Variants in CEP112 observed in about 807,000 individuals in gnomAD.
CEP112 encodes centrosomal protein of 112 kDa.
CEP112 carries 127 observed loss-of-function variants against 153.0 expected under a neutral mutation model. The ratio of observed to expected loss-of-function variants is 0.83; its 90% confidence interval spans 0.72 to 0.96. The LOEUF (loss-of-function observed/expected upper bound fraction) is 0.96, where lower values mean the gene tolerates loss of function less well. CEP112 is among the 40% of genes least tolerant of loss of function. The pLI is 0.00. For missense variants in CEP112, 1,089 were observed against 1,101.2 expected, an observed-to-expected ratio of 0.99 and a Z score of 0.16; for synonymous variants, 358 against 374.4, an observed-to-expected ratio of 0.96 and a Z score of 0.51.
chr17:65,859,679 T>C (rs2058240040), intron 20 of CEP112, among the ~76,000 whole-genome samples: 1 of 150,850 alleles, frequency 6.6e-6, no homozygotes, highest in Non-Finnish European at 1.5e-5. Flanking sequence ...TCTACTATCA[T>C]CACTTGTATT....
chr17:65,882,516 C>A lies in CEP112; in HGVS notation c.2163+19636G>T, dbSNP rs999422664. 1.1e-4 allele frequency among the ~76,000 whole-genome samples: 17 copies of A among 152,304 alleles called. 1 individual carries two copies. The South Asian group carries it at 1.9e-3, about 17-fold the overall frequency. On this transcript the variant is annotated intron_variant, in intron 20 of 26. Transcript: ENST00000535342. Reference sequence around the variant, plus strand: ...AGGGTTAAAAAATATGATATGGAAACAAGCAAAGCCCAGATCTAAAGCAAT... The same window carrying A: ...AGGGTTAAAAAATATGATATGGAAAAAAGCAAAGCCCAGATCTAAAGCAAT...
At chr17:65,935,010 A>G (rs1410775740) in intron 18 of CEP112, among the ~76,000 whole-genome samples, 1 of 152,198 alleles carries the variant, frequency 6.6e-6, no homozygotes, top group African/African-American at 2.4e-5. Context: ...CACTATCAAG[A>G]GAACTGCATG....
At chr17:66,084,162 A>C (rs1216789128) in intron 8 of CEP112, among the ~76,000 whole-genome samples, 1 of 152,196 alleles carries the variant, frequency 6.6e-6, no homozygotes, top group Admixed American at 6.5e-5. Flanking sequence ...GGTAATAACA[A>C]ATGCTGGCAA....
chr17:65,887,095 G>GA (rs142313255), intron 20 of CEP112, among the ~76,000 whole-genome samples: 2,382 of 147,722 alleles, frequency 0.016, 69 homozygotes, highest in African/African-American at 0.056. Context: ...GTAGTAGCAA[G>GA]AAAAAAAAAA....
chr17:66,099,504 C>CAAAAA (rs71160532), intron 6 of CEP112, among the ~76,000 whole-genome samples: 4 of 113,962 alleles, frequency 3.5e-5, no homozygotes, highest in African/African-American at 7.8e-5. Context: ...AACTCTGTCT[C>CAAAAA]AAAAAAAAAA....
intron 18 of CEP112, among the ~76,000 whole-genome samples, chr17:65,935,474 T>C (rs1047556020): frequency 6.6e-6 from 1 of 152,310 alleles, no homozygotes. Context: ...AATACACTTA[T>C]GTCTCAAGTA....
chr17:66,185,610 G>A (rs1199219812), intron 1 of CEP112, among the ~76,000 whole-genome samples: 1 of 152,120 alleles, frequency 6.6e-6, no homozygotes, highest in Non-Finnish European at 1.5e-5. Flanking sequence ...TGAATACAAA[G>A]GGGGTGAATC....
At chr17:65,878,695 T>C (rs139098205) in intron 20 of CEP112, among the ~76,000 whole-genome samples, 1 of 152,152 alleles carries the variant, frequency 6.6e-6, no homozygotes, top group East Asian at 1.9e-4. Flanking sequence ...GGCTCTGGGC[T>C]CTGGTACTAT....
At chr17:65,852,671 GAAACTTGCTGTTTCA>G (rs1255770145) in intron 20 of CEP112, among the ~76,000 whole-genome samples, 2 of 151,208 alleles carry the variant, frequency 1.3e-5, no homozygotes. Context: ...GTATTTTTCT[GAAACTTGCTGTTTCA>G]AATATTCAAC....
intron 20 of CEP112, among the ~76,000 whole-genome samples, chr17:65,877,916 C>A (rs547704132): frequency 1.3e-5 from 2 of 152,224 alleles, no homozygotes; most frequent in East Asian, 3.9e-4. Context: ...GAGGATATTA[C>A]GCCAAGTGAA....
At chr17:66,092,010 AGTAAG>A (rs2068150942) in intron 8 of CEP112, among the ~76,000 whole-genome samples, 1 of 151,818 alleles carries the variant, frequency 6.6e-6, no homozygotes, top group South Asian at 2.1e-4. Flanking sequence ...ATCAATAATA[AGTAAG>A]GTGACTGAAG....
intron 6 of CEP112, among the ~76,000 whole-genome samples, chr17:66,122,137 G>A (rs750357578): frequency 3.3e-5 from 5 of 152,004 alleles, no homozygotes; most frequent in Middle Eastern, 3.2e-3. Context: ...CTCGTGATCC[G>A]CCCACCTCAG....
At chr17:65,960,172 A>G (rs1245573507) in intron 18 of CEP112, among the ~76,000 whole-genome samples, 1 of 152,194 alleles carries the variant, frequency 6.6e-6, no homozygotes, top group Non-Finnish European at 1.5e-5. Context: ...AACTGAAAAA[A>G]ACTAAATATG....
chr17:65,721,036 G>T (rs1475349983), intron 23 of CEP112, among the ~76,000 whole-genome samples: 18 of 144,544 alleles, frequency 1.2e-4, no homozygotes, highest in African/African-American at 4.6e-4. Flanking sequence ...TTTTGAGACG[G>T]AGTCTCGCTC....
intron 19 of CEP112, among the ~76,000 whole-genome samples, chr17:65,910,702 C>A (rs1178500750): frequency 1.3e-5 from 2 of 152,020 alleles, no homozygotes; most frequent in Admixed American, 6.5e-5. Flanking sequence ...AATAAAGGTC[C>A]AGGAAAAAGA....
At chr17:65,735,333 A>G (rs2050736892) in intron 23 of CEP112, among the ~76,000 whole-genome samples, 1 of 152,176 alleles carries the variant, frequency 6.6e-6, no homozygotes, top group African/African-American at 2.4e-5. Flanking sequence ...AGTTCAGCTC[A>G]TACTCATACA....
chr17:66,095,177 A>G lies in CEP112; in HGVS notation c.768+1074T>C, dbSNP rs114111852. Among the ~76,000 whole-genome samples, 649 of 152,292 alleles carry G rather than the reference A, an allele frequency of 4.3e-3. 6 individuals carry two copies. Among genetic ancestry groups the G allele is most frequent in the African/African-American group, 0.015 (623 of 41,558 alleles). On this transcript the variant is annotated intron_variant, in intron 8 of 26. Coordinates refer to ENST00000535342, the MANE Select transcript of CEP112 (RefSeq NM_001199165.4). ...AATCCAAAGGAAATGAAATTGCTAT[A>G]TTGAAGAGCTATCTGCACCCCCATG...
At chr17:65,992,825 T>C (rs1379574669) in intron 17 of CEP112, among the ~76,000 whole-genome samples, 1 of 152,228 alleles carries the variant, frequency 6.6e-6, no homozygotes, top group African/African-American at 2.4e-5. Context: ...TAAAATCCCA[T>C]ACAAGACCAA....
chr17:65,739,318 G>A (rs4239080), intron 23 of CEP112, among the ~76,000 whole-genome samples: 61,765 of 152,184 alleles, frequency 0.41, 14,360 homozygotes, highest in South Asian at 0.61. Flanking sequence ...TTTGGAGTAT[G>A]CAGTGGTGAT....
Sources: gnomAD v4.1 joint callset for allele counts (sites outside exome capture counted in the v4.1 genomes callset) on GRCh38, gnomAD v4.1.1 for gene constraint, MANE v1.5 for transcripts, NCBI Gene and HGNC (gene_info 2026-07-23, HGNC 2026-07-21) for gene names.